The following ABI3BP variants were observed in gnomAD, a reference collection of about 807,000 sequenced individuals.
ABI3BP encodes the protein target of Nesh-SH3.
In ABI3BP, 216 loss-of-function variants were observed where a neutral mutation model predicts 268.6. The observed-to-expected ratio is 0.80, with a 90% CI of 0.72 to 0.90. The LOEUF (loss-of-function observed/expected upper bound fraction) is 0.90, where lower values mean the gene tolerates loss of function less well. Ranked by LOEUF, ABI3BP falls within the 40% of genes least tolerant of loss-of-function variation. ABI3BP has a pLI of 0.00. For missense variants in ABI3BP, 2,090 were observed against 2,182.4 expected (o/e 0.96, Z 0.84); for synonymous variants, 730 against 730.0 (o/e 1.00, Z 0.00).
At chr3:100,837,586 G>A (rs1323461227) in intron 26 of ABI3BP, among the ~76,000 whole-genome samples, 4 of 152,006 alleles carry the variant, frequency 2.6e-5, no homozygotes, top group Admixed American at 1.3e-4. Flanking sequence ...TGAAACCCCC[G>A]TCTCTACTAA....
rs1419355710 is a variant in ABI3BP, at chr3:100,778,249, C to T, written c.4333+35G>A. ...TTATGTTGGCTAGTAAAACCGAAAT[C>T]ATGGCGGGAAAAGGAAGGTACATGA... On this transcript the variant is annotated intron_variant, in intron 59 of 67. Coordinates refer to ENST00000471714, the MANE Select transcript of ABI3BP (RefSeq NM_001375547.2). 5.6e-6 allele frequency: 9 copies of T among 1,600,776 alleles called. No homozygotes were observed. The Admixed American group carries it at 1.3e-4, about 24-fold the overall frequency.
intron 1 of ABI3BP, among the ~76,000 whole-genome samples, chr3:100,982,363 C>CA (rs986672209): frequency 6.6e-6 from 1 of 151,824 alleles, no homozygotes; most frequent in Non-Finnish European, 1.5e-5. Flanking sequence ...AAGTTACTAT[C>CA]AAAAAAATCC....
chr3:100,780,979 G>A (rs929575977), intron 57 of ABI3BP, among the ~76,000 whole-genome samples: 1 of 151,992 alleles, frequency 6.6e-6, no homozygotes, highest in Non-Finnish European at 1.5e-5. Context: ...TCCTTGGTTT[G>A]GGTGACAGTC....
At chr3:100,805,869 T>C (rs531984345) in intron 50 of ABI3BP, among the ~76,000 whole-genome samples, 1 of 152,192 alleles carries the variant, frequency 6.6e-6, no homozygotes, top group East Asian at 1.9e-4. Context: ...TATACTATTA[T>C]AAATTTTTTT....
At chr3:100,795,684 G>T in intron 53 of ABI3BP, 120 bp downstream of exon 53, 1 of 815,332 alleles carries the variant, frequency 1.2e-6, no homozygotes, top group Non-Finnish European at 1.7e-6. Context: ...TAATAATAAT[G>T]AGAATGAAAT....
intron 57 of ABI3BP, among the ~76,000 whole-genome samples, chr3:100,785,144 A>G (rs897537538): frequency 2.0e-5 from 3 of 152,236 alleles, no homozygotes; most frequent in East Asian, 1.9e-4. Flanking sequence ...AATGTGAAAT[A>G]TCTGAGTTGA....
At chr3:100,864,469 C>G (rs1177391968) in intron 11 of ABI3BP, 1 of 316,056 alleles carries the variant, frequency 3.2e-6, no homozygotes, top group Non-Finnish European at 5.8e-6. Flanking sequence ...CTTCCCAAAG[C>G]CACTCTAAGC....
intron 1 of ABI3BP, among the ~76,000 whole-genome samples, chr3:100,932,139 A>G (rs995627143): frequency 6.6e-6 from 1 of 152,084 alleles, no homozygotes; most frequent in Non-Finnish European, 1.5e-5. Flanking sequence ...GGAGTGGGAT[A>G]ATGGTTAGCC....
At chr3:100,833,780 G>A (rs966409375) in intron 29 of ABI3BP, among the ~76,000 whole-genome samples, 1 of 152,142 alleles carries the variant, frequency 6.6e-6, no homozygotes, top group African/African-American at 2.4e-5. Context: ...TCCAATCATC[G>A]AAGTCAGGCA....
intron 1 of ABI3BP, among the ~76,000 whole-genome samples, chr3:100,978,027 A>G (rs1412956641): frequency 6.6e-6 from 1 of 152,200 alleles, no homozygotes; most frequent in African/African-American, 2.4e-5. Context: ...ATCAGCTCTT[A>G]GACTTCTTCA....
chr3:100,960,003 C>T (rs2078429859), intron 1 of ABI3BP, among the ~76,000 whole-genome samples: 1 of 152,096 alleles, frequency 6.6e-6, no homozygotes, highest in Non-Finnish European at 1.5e-5. Flanking sequence ...AATTATAACA[C>T]ACTGTCAAGA....
chr3:100,890,851 A>G (rs2044285366), intron 4 of ABI3BP, among the ~76,000 whole-genome samples: 1 of 152,090 alleles, frequency 6.6e-6, no homozygotes, highest in Non-Finnish European at 1.5e-5. Flanking sequence ...ATGTCCAATC[A>G]GTTGTCAAAT....
At chr3:100,812,389 A>G in intron 46 of ABI3BP, 78 bp downstream of exon 46, 1 of 986,404 alleles carries the variant, frequency 1.0e-6, no homozygotes, top group Non-Finnish European at 1.3e-6. Context: ...GTCACAAAGC[A>G]TGAGGACATC....
intron 51 of ABI3BP, among the ~76,000 whole-genome samples, chr3:100,802,745 AT>A (rs932618168): frequency 6.9e-6 from 1 of 145,334 alleles, no homozygotes; most frequent in African/African-American, 2.4e-5. Context: ...AAATGTCACA[AT>A]AAAACATAAC....
At chr3:100,806,665 G>A (rs17337470) in intron 50 of ABI3BP, among the ~76,000 whole-genome samples, 21,426 of 151,966 alleles carry the variant, frequency 0.14, 1,906 homozygotes, top group South Asian at 0.27. Flanking sequence ...GCTACTTTCC[G>A]CAAGAGATGC....
chr3:100,844,243 T>G (rs12495359), intron 20 of ABI3BP: 1 of 985,442 alleles, frequency 1.0e-6, no homozygotes, highest in Non-Finnish European at 1.2e-6. Context: ...TGGAAGACGG[T>G]CAAGTGAAAC....
At chr3:100,803,037 G>T (rs1282127323) in intron 51 of ABI3BP, among the ~76,000 whole-genome samples, 2 of 145,892 alleles carry the variant, frequency 1.4e-5, no homozygotes, top group Admixed American at 1.4e-4. Context: ...ATTCCTGGGG[G>T]TGCCACACCC....
At position 100,770,839 on chromosome 3, in the gene ABI3BP, G is replaced by A. The variant is rs2096526048; in HGVS notation, c.4645C>T (p.Gln1549Ter). Residue 1549 changes from glutamine to a stop codon, truncating the protein, a stop_gained, in exon 62 of 68, where the codon CAG (glutamine) becomes TAG (stop). Transcript: ENST00000471714. LOFTEE classifies it high-confidence loss of function. ...ACAGTGAGGTTGGTGGGTGGGTTCTGTGGTGGGCTGGTGGCATTCCCCTCT... is the reference window on the plus strand; with the variant it reads ...ACAGTGAGGTTGGTGGGTGGGTTCTATGGTGGGCTGGTGGCATTCCCCTCT... ...ATEGNATSPP[Q>*]NPPTNLTVVT... 6.2e-7 allele frequency: 1 copy of A among 1,604,462 alleles called. No homozygotes were observed. Among genetic ancestry groups the A allele is most frequent in the Non-Finnish European group, 8.5e-7 (1 of 1,175,514 alleles).
intron 13 of ABI3BP, 163 bp from the exon 14 acceptor site, chr3:100,862,548 A>G: frequency 1.7e-6 from 1 of 599,228 alleles, no homozygotes; most frequent in Non-Finnish European, 2.9e-6. Flanking sequence ...GTATGTATCC[A>G]TCCAGAGAAC....
Sources: gnomAD v4.1 joint callset for allele counts (sites outside exome capture counted in the v4.1 genomes callset) on GRCh38, gnomAD v4.1.1 for gene constraint, MANE v1.5 for transcripts, NCBI Gene and HGNC (gene_info 2026-07-23, HGNC 2026-07-21) for gene names.